Variants in IRF2 observed in about 807,000 individuals in gnomAD.
IRF2 encodes the protein interferon regulatory factor 2.
IRF2 carries 15 observed loss-of-function variants against 40.6 expected under a neutral mutation model. The ratio of observed to expected loss-of-function variants is 0.37; its 90% CI spans 0.25 to 0.57. The LOEUF is 0.57. Among genes scored for constraint, IRF2 ranks in the 20% least tolerant of loss-of-function variants. The probability of loss-of-function intolerance (pLI) is 0.77; values close to 1 mark genes in which losing one functional copy is unlikely to be tolerated. For synonymous variants in IRF2, 151 were observed against 165.5 expected, an observed-to-expected ratio of 0.91 and a Z score of 0.67; for missense variants, 317 against 455.7, an observed-to-expected ratio of 0.70 and a Z score of 2.77.
intron 1 of IRF2, among the ~76,000 whole-genome samples, chr4:184,465,951 A>C (rs554945792): frequency 6.6e-6 from 1 of 152,302 alleles, no homozygotes; most frequent in East Asian, 1.9e-4. Flanking sequence ...TCAATGTAGA[A>C]TCCTGACTAC....
intron 6 of IRF2, among the ~76,000 whole-genome samples, chr4:184,403,985 C>T (rs560209474): frequency 6.6e-6 from 1 of 152,164 alleles, no homozygotes; most frequent in East Asian, 1.9e-4. Context: ...ACTGATGAAC[C>T]GGTTTGCTTC....
intron 6 of IRF2, among the ~76,000 whole-genome samples, chr4:184,404,756 C>T (rs895972148): frequency 2.0e-5 from 3 of 152,244 alleles, no homozygotes; most frequent in African/African-American, 4.8e-5. Flanking sequence ...ACCGCGGGGC[C>T]GGTGACTCCG....
At chr4:184,406,229 T>C (rs561457980) in intron 6 of IRF2, among the ~76,000 whole-genome samples, 1 of 145,952 alleles carries the variant, frequency 6.9e-6, no homozygotes, top group Non-Finnish European at 1.5e-5. Flanking sequence ...AGCTACTTTT[T>C]ATCTTTTTTT....
intron 1 of IRF2, among the ~76,000 whole-genome samples, chr4:184,429,814 G>A (rs771503553): frequency 1.3e-5 from 2 of 151,818 alleles, no homozygotes; most frequent in South Asian, 2.1e-4. Context: ...CCCTTCCTCC[G>A]CCAGTCCACA....
At chr4:184,390,335 C>T (rs1736211996) in intron 8 of IRF2, among the ~76,000 whole-genome samples, 3 of 152,204 alleles carry the variant, frequency 2.0e-5, no homozygotes, top group Admixed American at 1.3e-4. Flanking sequence ...CATTTTGTGA[C>T]GTGTACTGGT....
At chr4:184,434,556 C>T (rs150228682) in intron 1 of IRF2, among the ~76,000 whole-genome samples, 460 of 152,310 alleles carry the variant, frequency 3.0e-3, no homozygotes, top group Non-Finnish European at 5.3e-3. Flanking sequence ...TGGAGCCTGA[C>T]GAAAGGCACG....
rs1737467408 is a variant in IRF2 at position 184,421,141 on chromosome 4, C to T, written c.88-1573G>A. Among the ~76,000 whole-genome samples the T allele has an allele frequency of 2.6e-5, 4 of 152,312 alleles. No homozygotes were observed. In the South Asian group the frequency reaches 8.3e-4, roughly 32 times the overall value. On this transcript the variant is annotated intron_variant, in intron 2 of 8. Coordinates refer to ENST00000393593, the MANE Select transcript of IRF2 (RefSeq NM_002199.4). ...AGCAGGGAGTTTCCACCACTTCAGT[C>T]TCACATAGTGAAACACAGAAAGGGT...
At chr4:184,397,860 G>A (rs1244958830) in intron 7 of IRF2, among the ~76,000 whole-genome samples, 1 of 152,234 alleles carries the variant, frequency 6.6e-6, no homozygotes, top group African/African-American at 2.4e-5. Flanking sequence ...TCATCAGGAA[G>A]AGAGGAGAAG....
At chr4:184,419,155 T>TG (rs575865597) in intron 3 of IRF2, among the ~76,000 whole-genome samples, 1 of 152,130 alleles carries the variant, frequency 6.6e-6, no homozygotes, top group Admixed American at 6.5e-5. Flanking sequence ...ACTACCTTTT[T>TG]GGGGGGGAGA....
chr4:184,449,866 C>A (rs993504590), intron 1 of IRF2, among the ~76,000 whole-genome samples: 4 of 152,112 alleles, frequency 2.6e-5, no homozygotes, highest in African/African-American at 9.7e-5. Flanking sequence ...GTGACCAAGC[C>A]AAAATGGAGC....
chr4:184,469,858 G>T (rs1358884666), intron 1 of IRF2, among the ~76,000 whole-genome samples: 1 of 152,160 alleles, frequency 6.6e-6, no homozygotes, highest in Non-Finnish European at 1.5e-5. Flanking sequence ...GAGTCCCAGG[G>T]ACAAAGGGGA....
chr4:184,434,543 C>T (rs1430851094), intron 1 of IRF2, among the ~76,000 whole-genome samples: 1 of 152,134 alleles, frequency 6.6e-6, no homozygotes, highest in Non-Finnish European at 1.5e-5. Context: ...GAAGCATCTA[C>T]CCTGGAGCCT....
chr4:184,399,736 T>C (rs570197187), intron 6 of IRF2, among the ~76,000 whole-genome samples: 1 of 152,332 alleles, frequency 6.6e-6, no homozygotes, highest in South Asian at 2.1e-4. Flanking sequence ...GGCTGAAATA[T>C]CAGCACAATG....
chr4:184,433,794 G>A (rs1278578073), intron 1 of IRF2, among the ~76,000 whole-genome samples: 7 of 152,166 alleles, frequency 4.6e-5, no homozygotes, highest in South Asian at 2.1e-4. Flanking sequence ...GCCCTGGGCA[G>A]GTAGTGCATT....
intron 5 of IRF2, among the ~76,000 whole-genome samples, chr4:184,410,559 G>A (rs1401869162): frequency 5.3e-5 from 8 of 152,040 alleles, no homozygotes; most frequent in African/African-American, 1.2e-4. Flanking sequence ...TCCCCACCCC[G>A]AGTCATGCCC....
intron 5 of IRF2, among the ~76,000 whole-genome samples, chr4:184,416,328 C>CAAAAAAAAAAAAAAAAA (rs35274774): frequency 6.0e-5 from 6 of 100,176 alleles, no homozygotes; most frequent in African/African-American, 7.9e-5. Flanking sequence ...AAAAAAAAAA[C>CAAAAAAAAAAAAAAAAA]AAAAAAAAAA....
At chr4:184,398,348 G>A (rs535508514) in intron 7 of IRF2, among the ~76,000 whole-genome samples, 1 of 152,274 alleles carries the variant, frequency 6.6e-6, no homozygotes, top group Non-Finnish European at 1.5e-5. Flanking sequence ...AATCTTATCT[G>A]TAACCATATA....
At chr4:184,440,686 A>T (rs1738272635) in intron 1 of IRF2, among the ~76,000 whole-genome samples, 1 of 152,170 alleles carries the variant, frequency 6.6e-6, no homozygotes, top group Non-Finnish European at 1.5e-5. Flanking sequence ...CCACAGGTGC[A>T]ATTTCAGATC....
chr4:184,404,813 G>C (rs908721963), intron 6 of IRF2, among the ~76,000 whole-genome samples: 1 of 152,178 alleles, frequency 6.6e-6, no homozygotes, highest in African/African-American at 2.4e-5. Flanking sequence ...CTGACTACAG[G>C]CTGCATACAC....
Sources: allele counts gnomAD v4.1 joint callset (sites outside exome capture counted in the v4.1 genomes callset), GRCh38; gene constraint gnomAD v4.1.1; transcripts MANE v1.5; gene names NCBI Gene and HGNC (gene_info 2026-07-23, HGNC 2026-07-21).